TMPRSS4: variants seen among roughly 807,000 people sequenced by gnomAD.
TMPRSS4 encodes transmembrane protease serine 4.
A neutral mutation model predicts 56.4 loss-of-function variants in TMPRSS4; 45 were observed. The observed-to-expected ratio is 0.80, with a 90% CI of 0.63 to 1.02. The LOEUF is 1.02. TMPRSS4 is among the 50% of genes least tolerant of loss of function. The pLI, the probability that TMPRSS4 is intolerant of heterozygous loss-of-function variation, is 0.00. For missense variants in TMPRSS4, 546 were observed against 556.7 expected (o/e 0.98, Z 0.19); for synonymous variants, 205 against 211.0 (o/e 0.97, Z 0.25).
At chr11:118,115,456 A>C in intron 11 of TMPRSS4, 176 bp downstream of exon 11, 1 of 700,250 alleles carries the variant, frequency 1.4e-6, no homozygotes, top group East Asian at 2.7e-5. Context: ...AAAGTGTACC[A>C]ATAGATGAGT....
At chr11:118,096,650 G>A (rs1347066955) in intron 2 of TMPRSS4, among the ~76,000 whole-genome samples, 1 of 151,794 alleles carries the variant, frequency 6.6e-6, no homozygotes, top group Non-Finnish European at 1.5e-5. Context: ...ACTGGGTGTT[G>A]TGGCACATGC....
At chr11:118,089,933 C>T (rs1208151079) in intron 1 of TMPRSS4, among the ~76,000 whole-genome samples, 1 of 152,186 alleles carries the variant, frequency 6.6e-6, no homozygotes, top group Non-Finnish European at 1.5e-5. Flanking sequence ...GCAACCTCCC[C>T]TCCCGGGTTC....
At chr11:118,112,379 CTTTTTTTTTTTTT>C (rs71469160) in intron 8 of TMPRSS4, among the ~76,000 whole-genome samples, 6 of 45,724 alleles carry the variant, frequency 1.3e-4, no homozygotes, top group South Asian at 2.7e-3. Context: ...ACCCCCTTCA[CTTTTTTTTTTTTT>C]TTTTTTTTTT....
downstream of TMPRSS4, among the ~76,000 whole-genome samples, chr11:118,122,347 C>T (rs372590666): frequency 1.3e-5 from 2 of 152,128 alleles, no homozygotes; most frequent in South Asian, 4.1e-4. Context: ...GTACAGACAG[C>T]AAGCATTTAA....
At chr11:118,107,433 C>A in intron 5 of TMPRSS4, 1 of 181,346 alleles carries the variant, frequency 5.5e-6, no homozygotes, top group East Asian at 1.3e-4. Context: ...AACCAGAAGA[C>A]ATTGCTGGGA....
At chr11:118,084,051 A>G (rs927821795) in intron 1 of TMPRSS4, among the ~76,000 whole-genome samples, 4 of 152,166 alleles carry the variant, frequency 2.6e-5, no homozygotes, top group Non-Finnish European at 5.9e-5. Flanking sequence ...AACAAAACAA[A>G]AAAACAATTA....
At position 118,118,069 on chromosome 11, in the gene TMPRSS4, A is replaced by G. The variant is rs8924; in HGVS notation, c.*156A>G. 905,697 of 1,486,726 alleles carry G rather than the reference A, an allele frequency of 0.61. 277,161 individuals are homozygous for G. Among genetic ancestry groups the G allele is most frequent in the South Asian group, 0.73 (55,278 of 75,848 alleles). 92.1% of individuals were successfully genotyped at this position (1,486,726 alleles called of 1,614,324 possible). A position where few individuals can be genotyped will look rare whatever the true frequency, so the allele number is the denominator to read the frequency against. ...GGAGCAGCAAAGGGCCTCAATTCCT[A>G]TAAGAGACCCTCGCAGCCCAGAGGC... On this transcript the variant is annotated 3_prime_UTR_variant, in exon 13 of 13. Transcript: ENST00000437212.
At chr11:118,091,133 C>T (rs1945919809) in intron 1 of TMPRSS4, among the ~76,000 whole-genome samples, 1 of 152,194 alleles carries the variant, frequency 6.6e-6, no homozygotes, top group African/African-American at 2.4e-5. Context: ...GCTCAGCAAG[C>T]ACCCTCTCAC....
Position 118,110,128 on chromosome 11 carries a change from G to A in TMPRSS4, c.583+1232G>A, listed in dbSNP as rs1380216096. On this transcript the variant is annotated intron_variant, in intron 7 of 12. Transcript: ENST00000437212. ...TAAACACTGAAAAATGCATCTGTAG[G>A]CTCAAGGAGGAAAAGCCCATGTCTG... Among the ~76,000 whole-genome samples the A allele has an allele frequency of 3.3e-5, 5 of 152,270 alleles. No individual in the cohort carries two copies. In the East Asian group the frequency reaches 9.6e-4, roughly 29 times the overall value.
intron 1 of TMPRSS4, among the ~76,000 whole-genome samples, chr11:118,081,903 C>T (rs1945164794): frequency 6.6e-6 from 1 of 152,196 alleles, no homozygotes; most frequent in South Asian, 2.1e-4. Context: ...GGGGAGACTG[C>T]TTTCCCACAC....
intron 6 of TMPRSS4, 69 bp downstream of exon 6, chr11:118,107,944 A>G: frequency 1.5e-6 from 2 of 1,345,882 alleles, no homozygotes; most frequent in Non-Finnish European, 2.1e-6. Flanking sequence ...GGTTGCAACC[A>G]GCTCACCTGG....
intron 7 of TMPRSS4, among the ~76,000 whole-genome samples, chr11:118,110,968 A>T (rs977447294): frequency 6.6e-6 from 1 of 152,234 alleles, no homozygotes; most frequent in African/African-American, 2.4e-5. Context: ...GGCTGCTAGG[A>T]GGAGTGGAAA....
At chr11:118,114,728 C>T (rs959587337) in intron 9 of TMPRSS4, 101 bp from the exon 10 acceptor site, 5 of 1,297,312 alleles carry the variant, frequency 3.9e-6, no homozygotes, top group Non-Finnish European at 5.4e-6. Context: ...CAGTCTCTCC[C>T]AGACCAGCAA....
Position 118,081,924 on chromosome 11 carries a change from G to C in TMPRSS4, c.3+4619G>C, listed in dbSNP as rs530336290. 1.1e-3 allele frequency among the ~76,000 whole-genome samples: 164 copies of C among 152,256 alleles called. 1 individual carries two copies. Among genetic ancestry groups the C allele is most frequent in the African/African-American group, 3.7e-3 (155 of 41,552 alleles). ...ACTGCTTTCCCACACTCCAGACAAA[G>C]CCTGACACTCACTCACTCACTGATG... is the stretch of plus-strand genomic sequence containing the variant. On this transcript the variant is annotated intron_variant, in intron 1 of 12. Coordinates refer to ENST00000437212, the MANE Select transcript of TMPRSS4 (RefSeq NM_019894.4).
rs1947679041 is a variant in TMPRSS4, at chr11:118,118,460, G to T, written c.*547G>T. The T allele has an allele frequency of 1.0e-6, 1 of 986,314 alleles. No individual in the cohort carries two copies. The highest frequency in any genetic ancestry group is 1.7e-5 in the African/African-American group (1 of 57,270). 61.1% of individuals were successfully genotyped at this position (986,314 alleles called of 1,614,324 possible). A position where few individuals can be genotyped will look rare whatever the true frequency, so the allele number is the denominator to read the frequency against. Reference sequence around the variant, plus strand: ...AGAGCTGTGTAACATCTCTGGCATAGGCTAGCTGGAATGCTTGATAAGAAC... The same window carrying T: ...AGAGCTGTGTAACATCTCTGGCATATGCTAGCTGGAATGCTTGATAAGAAC... On this transcript the variant is annotated 3_prime_UTR_variant, in exon 13 of 13. Transcript: ENST00000437212.
chr11:118,104,675 G>C lies in TMPRSS4; in HGVS notation c.311-16G>C, dbSNP rs367614446. ...GGGCCCCCCGTTCCATCTAACTCAG[G>C]TTCCTTTCCTCCCAGTCCGCCTCTC... On this transcript the variant is annotated splice_polypyrimidine_tract_variant and intron_variant, in intron 4 of 12. Transcript: ENST00000437212. 4.0e-5 allele frequency: 65 copies of C among 1,613,970 alleles called. No individual in the cohort carries two copies. The highest frequency in any genetic ancestry group is 4.7e-5 in the Non-Finnish European group (56 of 1,180,004).
chr11:118,099,730 G>A lies in TMPRSS4; in HGVS notation c.157+632G>A, dbSNP rs576790653. Among the ~76,000 whole-genome samples, 54 of 152,230 alleles carry A rather than the reference G, an allele frequency of 3.5e-4. No homozygotes were observed. In the South Asian group the frequency reaches 0.01, roughly 29 times the overall value. On this transcript the variant is annotated intron_variant, in intron 3 of 12. Transcript: ENST00000437212. ...TGCAAGCTGAGTGGCTCTGAGCAGCGGCTGGAAGAACAGGGCGAGTTTCTG... is the reference window on the plus strand; with the variant it reads ...TGCAAGCTGAGTGGCTCTGAGCAGCAGCTGGAAGAACAGGGCGAGTTTCTG...
intron 4 of TMPRSS4, 123 bp downstream of exon 4, chr11:118,103,376 C>CTTTG (rs11272932): frequency 5.6e-4 from 551 of 984,238 alleles, no homozygotes; most frequent in African/African-American, 4.1e-3. Flanking sequence ...GTATAAGGTT[C>CTTTG]TTTGTTTGTT....
rs1947689759 is a variant in TMPRSS4, at chr11:118,118,725, C to T, written c.*812C>T. On this transcript the variant is annotated 3_prime_UTR_variant, in exon 13 of 13. Coordinates refer to ENST00000437212, the MANE Select transcript of TMPRSS4 (RefSeq NM_019894.4). ...CTGCCTGTGATAATCAGCCAGGAGC[C>T]AGGGATAACCTATGACTTGGGAAAG... 3 of 985,452 alleles carry T rather than the reference C, an allele frequency of 3.0e-6. No individual in the cohort carries two copies. Among genetic ancestry groups the T allele is most frequent in the Non-Finnish European group, 3.6e-6 (3 of 830,102 alleles). 61.0% of individuals were successfully genotyped at this position (985,452 alleles called of 1,614,324 possible). A position where few individuals can be genotyped will look rare whatever the true frequency, so the allele number is the denominator to read the frequency against.
Sources: allele counts gnomAD v4.1 joint callset (sites outside exome capture counted in the v4.1 genomes callset), GRCh38; gene constraint gnomAD v4.1.1; transcripts MANE v1.5; gene names NCBI Gene and HGNC (gene_info 2026-07-23, HGNC 2026-07-21).